Variants in CCT8 observed in about 807,000 individuals in gnomAD.
CCT8 encodes T-complex protein 1 subunit theta.
CCT8 carries 10 observed loss-of-function variants against 65.7 expected under a neutral mutation model. The observed-to-expected ratio is 0.15, with a 90% CI of 0.09 to 0.26. The LOEUF (loss-of-function observed/expected upper bound fraction) is 0.26, where lower values mean the gene tolerates loss of function less well. Ranked by LOEUF, CCT8 falls within the 10% of genes least tolerant of loss-of-function variation. The pLI is 1.00. For missense variants in CCT8, 568 were observed against 669.1 expected, an observed-to-expected ratio of 0.85 and a Z score of 1.67; for synonymous variants, 199 against 221.8, an observed-to-expected ratio of 0.90 and a Z score of 0.92.
intron 1 of CCT8, among the ~76,000 whole-genome samples, chr21:29,072,398 A>T (rs1005581786): frequency 6.6e-6 from 1 of 152,222 alleles, no homozygotes; most frequent in Non-Finnish European, 1.5e-5. Context: ...GTAAAAAACT[A>T]CTAGCACTGG....
At chr21:29,072,454 TTAGTGAA>T (rs1404127202) in intron 1 of CCT8, among the ~76,000 whole-genome samples, 1 of 152,208 alleles carries the variant, frequency 6.6e-6, no homozygotes, top group Non-Finnish European at 1.5e-5. Context: ...CAAAACTGTA[TTAGTGAA>T]AAAAACCCAA....
In CCT8 at chr21:29,060,408, C is replaced by T. The variant is rs921298833; in HGVS notation, c.1569+133G>A. The stretch of plus-strand genomic sequence containing the variant: ...AGAAGAAAAAAATTGGAGGGGGGCA[C>T]ATAGTATCTCTAATAGGTGAGGACT... On this transcript the variant is annotated intron_variant, in intron 14 of 14. Transcript: ENST00000286788. The T allele has an allele frequency of 1.0e-4, 85 of 822,868 alleles. No individual in the cohort carries two copies. In the African/African-American group the frequency reaches 1.4e-3, roughly 14 times the overall value. The allele number at this position is 822,868 out of a possible 1,614,324, so 51.0% of individuals were successfully genotyped here. A position where few individuals can be genotyped will look rare whatever the true frequency, so the allele number is the denominator to read the frequency against.
Position 29,073,409 on chromosome 21 carries a change from T to C in CCT8, c.60+122A>G, listed in dbSNP as rs939779880. The C allele has an allele frequency of 1.6e-5, 24 of 1,535,756 alleles. No homozygotes were observed. The Admixed American group carries it at 1.8e-4, about 12-fold the overall frequency. On this transcript the variant is annotated intron_variant, in intron 1 of 14. Transcript: ENST00000286788. The stretch of plus-strand genomic sequence containing the variant: ...AATCACCTCCCTTTCTGGAATCTTC[T>C]CTTCCCCCGGCCGCTGAGCCAGGGC...
chr21:29,056,515 G>A lies in CCT8; in HGVS notation c.1607C>T (p.Pro536Leu). Reference protein sequence around the residue: ...MAKPAGGPKPPSGKKDWDDDQ... With the variant: ...MAKPAGGPKPLSGKKDWDDDQ... ...ATCATCCCAGTCTTTCTTCCCACTT[G>A]GAGGCTTGGGCCCACCAGCTGGTTT... The change falls in exon 15 of 15, where the codon CCA becomes CTA. Residue 536 changes from proline to leucine, a missense_variant. Coordinates refer to ENST00000286788, the MANE Select transcript of CCT8 (RefSeq NM_006585.4). The A allele has an allele frequency of 6.5e-7, 1 of 1,544,390 alleles. No individual in the cohort carries two copies. The highest frequency in any genetic ancestry group is 8.7e-7 in the Non-Finnish European group (1 of 1,144,662).
chr21:29,060,236 G>A (rs965951), intron 14 of CCT8: 27,306 of 182,016 alleles, frequency 0.15, 2,476 homozygotes, highest in African/African-American at 0.26. Flanking sequence ...CTTCAAGCTG[G>A]TGGTCTGCAA....
chr21:29,059,993 TATTTA>T (rs1204749663), intron 14 of CCT8: 1 of 152,064 alleles, frequency 6.6e-6, no homozygotes, highest in East Asian at 1.9e-4. Flanking sequence ...TGGGGAAATG[TATTTA>T]ATTAAGTTTG....
In CCT8 at chr21:29,062,480, A is replaced by G. The variant is rs1231603253; in HGVS notation, c.1008+10T>C. 1.9e-6 allele frequency: 3 copies of G among 1,613,732 alleles called. No individual in the cohort carries two copies. Among genetic ancestry groups the G allele is most frequent in the Non-Finnish European group, 1.7e-6 (2 of 1,179,662 alleles). ...TTCAACTATCTTTTAGTGTTTTCCA[A>G]AATACATACCAATCTAGGAAGAGCT... is the stretch of plus-strand genomic sequence containing the variant. On this transcript the variant is annotated intron_variant, in intron 9 of 14. Coordinates refer to ENST00000286788, the MANE Select transcript of CCT8 (RefSeq NM_006585.4).
At chr21:29,069,589 T>C (rs2085660411) in intron 2 of CCT8, 87 bp from the exon 3 acceptor site, 8 of 731,614 alleles carry the variant, frequency 1.1e-5, no homozygotes, top group Non-Finnish European at 1.5e-5. Flanking sequence ...AGTTAAGAAA[T>C]TATAAATTTG....
chr21:29,063,290 T>C, intron 8 of CCT8, 62 bp downstream of exon 8: 2 of 1,284,234 alleles, frequency 1.6e-6, no homozygotes, highest in Non-Finnish European at 2.2e-6. Flanking sequence ...TTTCGTTTAG[T>C]GTTTTCACCA....
At chr21:29,068,976 A>G (rs1426175058) in intron 3 of CCT8, among the ~76,000 whole-genome samples, 1 of 152,242 alleles carries the variant, frequency 6.6e-6, no homozygotes, top group Non-Finnish European at 1.5e-5. Context: ...GCTGGCAGGC[A>G]GTATCTATTT....
intron 6 of CCT8, 36 bp from the exon 7 acceptor site, chr21:29,065,141 C>T: frequency 6.2e-7 from 1 of 1,602,864 alleles, no homozygotes; most frequent in South Asian, 1.1e-5. Context: ...CAGCAATCTC[C>T]TGAAAATAAC....
intron 14 of CCT8, among the ~76,000 whole-genome samples, chr21:29,057,536 G>A (rs966461305): frequency 7.9e-6 from 1 of 125,788 alleles, no homozygotes; most frequent in Non-Finnish European, 1.9e-5. Context: ...TAGCACTTTG[G>A]GAGGCCAAGG....
chr21:29,066,914 G>A lies in CCT8; in HGVS notation c.539C>T (p.Ala180Val). ...ACCGCATGCCTGAGCAATAAGCTTGGCCAGAAATACTTCATTACCATATTG... is the reference window on the plus strand; with the variant it reads ...ACCGCATGCCTGAGCAATAAGCTTGACCAGAAATACTTCATTACCATATTG... ...SKQYGNEVFLAKLIAQACVSI... is the reference protein window; with the variant it reads ...SKQYGNEVFLVKLIAQACVSI... The change falls in exon 5 of 15, where the codon GCC (alanine) becomes GTC (valine). Residue 180 changes from alanine (A) to valine (V), a missense_variant. By Grantham distance (64) the Ala-to-Val change is moderately conservative. Coordinates refer to ENST00000286788, the MANE Select transcript of CCT8 (RefSeq NM_006585.4). 6.2e-7 allele frequency: 1 copy of A among 1,607,460 alleles called. No homozygotes were observed. Among genetic ancestry groups the A allele is most frequent in the Non-Finnish European group, 8.5e-7 (1 of 1,175,580 alleles).
At chr21:29,072,828 A>G (rs1435188408) in intron 1 of CCT8, among the ~76,000 whole-genome samples, 3 of 152,264 alleles carry the variant, frequency 2.0e-5, no homozygotes, top group African/African-American at 7.2e-5. Flanking sequence ...CCATTAAACA[A>G]AAGTGTTATC....
chr21:29,063,284 G>A lies in CCT8; in HGVS notation c.941+68C>T, dbSNP rs548038821. The A allele has an allele frequency of 6.8e-4, 815 of 1,202,928 alleles. 17 individuals carry two copies. In the South Asian group the frequency reaches 9.9e-3, roughly 15 times the overall value. 74.5% of individuals were successfully genotyped at this position (1,202,928 alleles called of 1,614,324 possible). On this transcript the variant is annotated intron_variant, in intron 8 of 14. Transcript: ENST00000286788. ...ATTAACAGTCTTCATGGTCTATTTC[G>A]TTTAGTGTTTTCACCACCAAAAAAC...
At chr21:29,069,359 G>T in intron 3 of CCT8, 64 bp downstream of exon 3, 1 of 892,982 alleles carries the variant, frequency 1.1e-6, no homozygotes. Context: ...ATTTCTTCTA[G>T]TTAAAATCTA....
chr21:29,070,459 T>A, intron 1 of CCT8, 122 bp from the exon 2 acceptor site: 1 of 536,238 alleles, frequency 1.9e-6, no homozygotes, highest in Non-Finnish European at 3.2e-6. Context: ...AGCTTAGGTA[T>A]TTGGCACAAG....
chr21:29,057,658 ATGATATATG>A lies in CCT8; in HGVS notation c.1570-1115_1570-1107del, dbSNP rs910373380. Among the ~76,000 whole-genome samples, 14 of 59,494 alleles carry A rather than the reference ATGATATATG, an allele frequency of 2.4e-4. No individual in the cohort carries two copies. In the South Asian group the frequency reaches 4.4e-3, roughly 19 times the overall value. The allele number at this position is 59,494 out of a possible 152,430, so 39.0% of individuals were successfully genotyped here. The stretch of plus-strand genomic sequence containing the variant: ...ATATATAACATTTGATAATATATAT[ATGATATATG>A]TATCATATATACGATACATATATCA... On this transcript the variant is annotated intron_variant, in intron 14 of 14. Transcript: ENST00000286788.
In CCT8 at chr21:29,063,525, T is replaced by C; in HGVS notation, c.768A>G (p.Thr256=). 1 of 1,613,248 alleles carries C rather than the reference T, an allele frequency of 6.2e-7. No individual in the cohort carries two copies. The highest frequency in any genetic ancestry group is 8.5e-7 in the Non-Finnish European group (1 of 1,179,766). ...ATTCTTCAGCAGTCTTTATCAACAC[T>C]GTTCCCTGGCAAAACAAGTAAACAT... is the stretch of plus-strand genomic sequence containing the variant. ...FDGMITETKG[T]VLIKTAEELM... The change falls in exon 8 of 15, where the codon ACA becomes ACG. Residue 256 remains threonine (T), a synonymous_variant. Coordinates refer to ENST00000286788, the MANE Select transcript of CCT8 (RefSeq NM_006585.4).
Sources: gnomAD v4.1 joint callset for allele counts (sites outside exome capture counted in the v4.1 genomes callset) on GRCh38, gnomAD v4.1.1 for gene constraint, MANE v1.5 for transcripts, NCBI Gene and HGNC (gene_info 2026-07-23, HGNC 2026-07-21) for gene names.